The following LPXN variants were observed in gnomAD, a reference collection of about 807,000 sequenced individuals.
LPXN encodes the protein leupaxin.
LPXN carries 28 observed loss-of-function variants against 45.6 expected under a neutral mutation model. The observed-to-expected ratio is 0.61, with a 90% confidence interval of 0.45 to 0.84. The LOEUF is 0.84. Among genes scored for constraint, LPXN ranks in the 40% least tolerant of loss-of-function variants. The probability of loss-of-function intolerance (pLI) is 0.00; values close to 1 mark genes in which losing one functional copy is unlikely to be tolerated. For missense variants in LPXN, 459 were observed against 475.0 expected, an observed-to-expected ratio of 0.97 and a Z score of 0.31; for synonymous variants, 166 against 169.9, an observed-to-expected ratio of 0.98 and a Z score of 0.18.
At chr11:58,541,085 C>A (rs1429547611) in intron 7 of LPXN, among the ~76,000 whole-genome samples, 4 of 152,118 alleles carry the variant, frequency 2.6e-5, no homozygotes, top group African/African-American at 9.6e-5. Flanking sequence ...CCATAAAAAC[C>A]CTAGAAGAAA....
intron 1 of LPXN, 32 bp from the exon 2 acceptor site, chr11:58,570,745 G>A: frequency 6.4e-7 from 1 of 1,552,234 alleles, no homozygotes; most frequent in East Asian, 2.3e-5. Flanking sequence ...AATCATGACA[G>A]AGAATATTTA....
At chr11:58,539,913 T>C (rs745706329) in intron 7 of LPXN, among the ~76,000 whole-genome samples, 1 of 152,082 alleles carries the variant, frequency 6.6e-6, no homozygotes, top group African/African-American at 2.4e-5. Context: ...ATTTAGGTAA[T>C]TGTCATTAAT....
At chr11:58,538,283 T>C (rs1005931553) in intron 7 of LPXN, among the ~76,000 whole-genome samples, 2 of 152,196 alleles carry the variant, frequency 1.3e-5, no homozygotes, top group African/African-American at 4.8e-5. Context: ...TTTGGGTATA[T>C]ACCCAGTAAT....
chr11:58,537,661 A>G (rs1853591109), intron 7 of LPXN, among the ~76,000 whole-genome samples: 1 of 152,198 alleles, frequency 6.6e-6, no homozygotes, highest in Non-Finnish European at 1.5e-5. Context: ...AAGTATAATA[A>G]TAATAAAAAC....
At chr11:58,578,169 GA>G (rs1274825420), upstream of LPXN, 51 of 1,319,698 alleles carry the variant, frequency 3.9e-5, no homozygotes, top group Non-Finnish European at 5.0e-5. Flanking sequence ...GAAAAAGTAG[GA>G]AAAACCCTCC....
At chr11:58,547,042 T>C (rs1853895438) in intron 7 of LPXN, among the ~76,000 whole-genome samples, 1 of 151,892 alleles carries the variant, frequency 6.6e-6, no homozygotes, top group Non-Finnish European at 1.5e-5. Context: ...CTCAGAGAGT[T>C]GGATATGTGT....
chr11:58,528,990 T>C (rs990984810), intron 7 of LPXN, among the ~76,000 whole-genome samples: 1 of 152,202 alleles, frequency 6.6e-6, no homozygotes, highest in Non-Finnish European at 1.5e-5. Flanking sequence ...TACAATGTTA[T>C]CTCATGGTAG....
At chr11:58,571,230 C>CT (rs1449159503) in intron 1 of LPXN, among the ~76,000 whole-genome samples, 1 of 152,000 alleles carries the variant, frequency 6.6e-6, no homozygotes, top group Non-Finnish European at 1.5e-5. Flanking sequence ...GTCCCAGCTA[C>CT]TTGGGAGGCT....
chr11:58,557,437 T>C (rs1399622712), intron 3 of LPXN, among the ~76,000 whole-genome samples: 1 of 152,216 alleles, frequency 6.6e-6, no homozygotes, highest in African/African-American at 2.4e-5. Flanking sequence ...AAGGACATTA[T>C]ACCAAGTTAA....
At chr11:58,568,628 A>G (rs1266179599) in intron 2 of LPXN, among the ~76,000 whole-genome samples, 1 of 151,944 alleles carries the variant, frequency 6.6e-6, no homozygotes. Context: ...AGCACTGTTC[A>G]CTGAATATGT....
intron 2 of LPXN, among the ~76,000 whole-genome samples, chr11:58,564,564 T>C (rs186522158): frequency 3.9e-5 from 6 of 152,324 alleles, no homozygotes; most frequent in Admixed American, 2.0e-4. Flanking sequence ...ATAATGTTAT[T>C]AAACTTGACA....
intron 7 of LPXN, among the ~76,000 whole-genome samples, chr11:58,547,644 T>C (rs894619868): frequency 1.3e-5 from 2 of 152,168 alleles, no homozygotes; most frequent in South Asian, 2.1e-4. Flanking sequence ...CATACCCCTG[T>C]CCTCGCCTCC....
chr11:58,532,561 T>A (rs1045353623), intron 7 of LPXN, among the ~76,000 whole-genome samples: 2 of 151,368 alleles, frequency 1.3e-5, no homozygotes, highest in African/African-American at 2.4e-5. Flanking sequence ...GTGCTCTGTG[T>A]CTAGCTAATC....
chr11:58,565,891 G>A (rs541662870), intron 2 of LPXN, among the ~76,000 whole-genome samples: 1 of 151,858 alleles, frequency 6.6e-6, no homozygotes, highest in African/African-American at 2.4e-5. Context: ...CCAGCTACTC[G>A]GGAGGCTGAG....
intron 7 of LPXN, among the ~76,000 whole-genome samples, chr11:58,537,172 A>G (rs184350887): frequency 6.6e-6 from 1 of 152,372 alleles, no homozygotes; most frequent in East Asian, 1.9e-4. Context: ...TATATACCCA[A>G]AGCATTATAA....
chr11:58,574,748 A>G (rs1257173815), intron 1 of LPXN, among the ~76,000 whole-genome samples: 1 of 152,196 alleles, frequency 6.6e-6, no homozygotes, highest in East Asian at 1.9e-4. Flanking sequence ...GATATTTATT[A>G]AACACTACCT....
At position 58,527,670 on chromosome 11, in the gene LPXN, T is replaced by G. The variant is rs759581622; in HGVS notation, c.945A>C (p.Pro315=). 5.8e-5 allele frequency: 94 copies of G among 1,613,970 alleles called. 2 individuals are homozygous for G. In the South Asian group the frequency reaches 9.9e-4, roughly 17 times the overall value. Reference sequence around the variant, plus strand: ...GGTGATGGTAATGGAGCTCACAGAATGGACGTCCATCCAGTTCAAAGAAGG... The same window carrying G: ...GGTGATGGTAATGGAGCTCACAGAAGGGACGTCCATCCAGTTCAAAGAAGG... ...TGSFFELDGR[P]FCELHYHHRR... is the part of the protein sequence containing the mutation. Residue 315 remains proline (P), a synonymous_variant, in exon 9 of 9, where the codon CCA becomes CCC. Transcript: ENST00000395074.
At position 58,560,330 on chromosome 11, in the gene LPXN, T is replaced by C. The variant is rs558360640; in HGVS notation, c.218+3825A>G. Among the ~76,000 whole-genome samples, 30 of 152,308 alleles carry C rather than the reference T, an allele frequency of 2.0e-4. No homozygotes were observed. In the East Asian group the frequency reaches 3.7e-3, roughly 19 times the overall value. Reference sequence around the variant, plus strand: ...AAAGTACATAAATATAGTCACAGTGTAGAGCTTTCTATTTAAAATTGTTCT... The same window carrying C: ...AAAGTACATAAATATAGTCACAGTGCAGAGCTTTCTATTTAAAATTGTTCT... On this transcript the variant is annotated intron_variant, in intron 3 of 8. Coordinates refer to ENST00000395074, the MANE Select transcript of LPXN (RefSeq NM_004811.3).
upstream of LPXN, chr11:58,575,997 T>G (rs1854879118): frequency 2.2e-6 from 3 of 1,353,146 alleles, no homozygotes; most frequent in South Asian, 3.3e-5. Context: ...CATAGAAAGG[T>G]AGATAGTAAG....
Sources: gnomAD v4.1 joint callset for allele counts (sites outside exome capture counted in the v4.1 genomes callset) on GRCh38, gnomAD v4.1.1 for gene constraint, MANE v1.5 for transcripts, NCBI Gene and HGNC (gene_info 2026-07-23, HGNC 2026-07-21) for gene names.